Variants in ZDHHC2 observed in about 807,000 individuals in gnomAD.
ZDHHC2 encodes zDHHC palmitoyltransferase 2, also known as palmitoyltransferase ZDHHC2.
Under a neutral mutation model 55.6 loss-of-function variants are expected in ZDHHC2, and 51 were observed. The ratio of observed to expected loss-of-function variants is 0.92; its 90% CI spans 0.73 to 1.16. ZDHHC2 has a LOEUF of 1.16. ZDHHC2 is among the 50% of genes most tolerant of loss of function. The pLI, the probability that ZDHHC2 is intolerant of heterozygous loss-of-function variation, is 0.00. For missense variants in ZDHHC2, 491 were observed against 442.4 expected (o/e 1.11, Z -0.99); for synonymous variants, 199 against 152.9 (o/e 1.30, Z -2.22).
chr8:17,184,391 G>A (rs1016234016), intron 1 of ZDHHC2, among the ~76,000 whole-genome samples: 2 of 152,230 alleles, frequency 1.3e-5, no homozygotes, highest in African/African-American at 4.8e-5. Context: ...AGCTCACCAG[G>A]TGGTTGCCAG....
Position 17,197,592 on chromosome 8 carries a change from C to T in ZDHHC2, c.384C>T (p.Tyr128=), listed in dbSNP as rs1434423617. The T allele has an allele frequency of 3.1e-6, 5 of 1,613,700 alleles. No homozygotes were observed. In the South Asian group the frequency reaches 3.3e-5, roughly 11 times the overall value. The change falls in exon 5 of 13, where the codon TAC becomes TAT. Residue 128 remains tyrosine (Y), a synonymous_variant. Transcript: ENST00000262096. ...GCTTTTTGTCCCTAGCCATCCGATACTGTGACAGATGCCAACTTATAAAAC... is the reference window on the plus strand; with the variant it reads ...GCTTTTTGTCCCTAGCCATCCGATATTGTGACAGATGCCAACTTATAAAAC... ...YTRTMSGAIR[Y]CDRCQLIKPD... is the part of the protein sequence containing the mutation.
chr8:17,197,542 A>G, intron 4 of ZDHHC2, 40 bp from the exon 5 acceptor site: 1 of 1,519,976 alleles, frequency 6.6e-7, no homozygotes, highest in Non-Finnish European at 9.0e-7. Flanking sequence ...TTTTCAATTC[A>G]GTGTTAACTC....
intron 1 of ZDHHC2, among the ~76,000 whole-genome samples, chr8:17,176,693 C>T (rs191706780): frequency 4.6e-5 from 7 of 152,020 alleles, no homozygotes; most frequent in East Asian, 1.9e-4. Context: ...TTGGTTAAGA[C>T]ACAAGAAAGC....
chr8:17,210,414 C>A lies in ZDHHC2; in HGVS notation c.884C>A (p.Thr295Asn), dbSNP rs767745183. Reference protein sequence around the residue: ...SSLGDGCSFPTCLVNQDPEQA... With the variant: ...SSLGDGCSFPNCLVNQDPEQA... Reference sequence around the variant, plus strand: ...CTAGGTGATGGCTGCTCCTTTCCAACTTGCCTTGTTAACCAGGATCCTGAA... The same window carrying A: ...CTAGGTGATGGCTGCTCCTTTCCAAATTGCCTTGTTAACCAGGATCCTGAA... Residue 295 changes from threonine to asparagine, a missense_variant, in exon 10 of 13, where the codon ACT (threonine) becomes AAT (asparagine). By Grantham distance (65) the Thr-to-Asn change is moderately conservative. Transcript: ENST00000262096. 1.9e-6 allele frequency: 3 copies of A among 1,613,280 alleles called. No homozygotes were observed. In the African/African-American group the frequency reaches 4.0e-5, roughly 22 times the overall value.
rs143011249 is a variant in ZDHHC2 at position 17,166,441 on chromosome 8, G to T, written c.130+9588G>T. Among the ~76,000 whole-genome samples the T allele has an allele frequency of 5.4e-3, 820 of 152,262 alleles. 5 individuals carry two copies. The highest frequency in any genetic ancestry group is 0.019 in the African/African-American group (779 of 41,546). On this transcript the variant is annotated intron_variant, in intron 1 of 12. Coordinates refer to ENST00000262096, the MANE Select transcript of ZDHHC2 (RefSeq NM_016353.5). The stretch of plus-strand genomic sequence containing the variant: ...GGAGGGTTGCATTAGATCTGGAATG[G>T]GTGTGCTGTCATGAAATAGAGATGC...
chr8:17,219,328 T>C (rs904900256), intron 12 of ZDHHC2, among the ~76,000 whole-genome samples: 8 of 144,960 alleles, frequency 5.5e-5, no homozygotes, highest in Non-Finnish European at 9.0e-5. Flanking sequence ...ACTACAATAG[T>C]AAATGATGTC....
chr8:17,205,688 GTTCT>G lies in ZDHHC2; in HGVS notation c.515_518del (p.Phe172SerfsTer63). ...ATTGTGTTGGATTTTCAAATTATAAGTTCTTTCTCCTTTTCTTGGCTTATTCTCT... is the reference window on the plus strand; with the variant it reads ...ATTGTGTTGGATTTTCAAATTATAAGTTCTCCTTTTCTTGGCTTATTCTCT... On this transcript the variant is annotated frameshift_variant, in exon 7 of 13. Coordinates refer to ENST00000262096, the MANE Select transcript of ZDHHC2 (RefSeq NM_016353.5). LOFTEE classifies it high-confidence loss of function. 1 of 1,607,194 alleles carries G rather than the reference GTTCT, an allele frequency of 6.2e-7. No homozygotes were observed. Among genetic ancestry groups the G allele is most frequent in the Non-Finnish European group, 8.5e-7 (1 of 1,177,906 alleles).
At chr8:17,216,536 C>T (rs755160248) in intron 11 of ZDHHC2, among the ~76,000 whole-genome samples, 4 of 152,108 alleles carry the variant, frequency 2.6e-5, no homozygotes, top group Non-Finnish European at 4.4e-5. Flanking sequence ...TTCTTTGAAT[C>T]CATCATTTTC....
In ZDHHC2 at chr8:17,210,012, G is replaced by A. The variant is rs753951331; in HGVS notation, c.811G>A (p.Val271Ile). The change falls in exon 9 of 13, where the codon GTT (valine) becomes ATT (isoleucine). Residue 271 changes from valine to isoleucine, a missense_variant. By Grantham distance (29) the Val-to-Ile change is conservative (BLOSUM62 3). Coordinates refer to ENST00000262096, the MANE Select transcript of ZDHHC2 (RefSeq NM_016353.5). ...SLGFSKNMRQVFGDEKKYWLL... is the reference protein window; with the variant it reads ...SLGFSKNMRQIFGDEKKYWLL... ...GGGTTTCAGTAAAAACATGCGACAA[G>A]TTTTTGGTGATGAGAAGAAGTACTG... is the stretch of plus-strand genomic sequence containing the variant. The A allele has an allele frequency of 1.9e-6, 3 of 1,609,324 alleles. No individual in the cohort carries two copies. Among genetic ancestry groups the A allele is most frequent in the Non-Finnish European group, 2.5e-6 (3 of 1,177,542 alleles).
At chr8:17,186,125 A>G (rs1805695685) in intron 2 of ZDHHC2, among the ~76,000 whole-genome samples, 1 of 152,162 alleles carries the variant, frequency 6.6e-6, no homozygotes, top group African/African-American at 2.4e-5. Flanking sequence ...AGATCTCATT[A>G]TGCATTTAGG....
chr8:17,156,820 TCCTACTACG>T lies in ZDHHC2; in HGVS notation c.103_111del (p.Tyr35_Tyr37del). ...GTTCATCACCCTCCTGCTCGGCTGGTCCTACTACGCCTACGCCATCCAGCTGTGCATAGG... is the reference window on the plus strand; with the variant it reads ...GTTCATCACCCTCCTGCTCGGCTGGTCCTACGCCATCCAGCTGTGCATAGG... On this transcript the variant is annotated inframe_deletion, in exon 1 of 13. Transcript: ENST00000262096. 2 of 1,520,414 alleles carry T rather than the reference TCCTACTACG, an allele frequency of 1.3e-6. No homozygotes were observed. Among genetic ancestry groups the T allele is most frequent in the Non-Finnish European group, 1.8e-6 (2 of 1,132,682 alleles). 94.2% of individuals were successfully genotyped at this position (1,520,414 alleles called of 1,614,324 possible).
intron 6 of ZDHHC2, among the ~76,000 whole-genome samples, chr8:17,205,249 G>C (rs911029158): frequency 6.6e-6 from 1 of 152,070 alleles, no homozygotes; most frequent in Non-Finnish European, 1.5e-5. Context: ...ATCTAATTTG[G>C]GAATACTTGA....
intron 1 of ZDHHC2, chr8:17,162,753 A>T (rs1262038609): frequency 6.6e-6 from 1 of 152,216 alleles, no homozygotes; most frequent in African/African-American, 2.4e-5. Flanking sequence ...ACCTTTCCGG[A>T]TGCCATTTCC....
At chr8:17,199,150 G>A (rs1386066379) in intron 6 of ZDHHC2, among the ~76,000 whole-genome samples, 4 of 152,170 alleles carry the variant, frequency 2.6e-5, no homozygotes, top group Non-Finnish European at 5.9e-5. Flanking sequence ...CAGGTCCACA[G>A]TAGGTATAGG....
chr8:17,182,886 A>C (rs7822895), intron 1 of ZDHHC2, among the ~76,000 whole-genome samples: 24,531 of 151,904 alleles, frequency 0.16, 2,627 homozygotes, highest in East Asian at 0.35. Context: ...CTCAGCCTCC[A>C]AGTAGCTGGG....
chr8:17,166,538 T>C (rs1464394663), intron 1 of ZDHHC2, among the ~76,000 whole-genome samples: 1 of 151,798 alleles, frequency 6.6e-6, no homozygotes, highest in Non-Finnish European at 1.5e-5. Context: ...AATTCGGGAG[T>C]CTTCAGCATA....
chr8:17,193,851 G>A (rs1806169626), intron 3 of ZDHHC2, among the ~76,000 whole-genome samples: 1 of 152,074 alleles, frequency 6.6e-6, no homozygotes, highest in African/African-American at 2.4e-5. Context: ...CACGTGCCAT[G>A]GTGATTTGCT....
At position 17,222,074 on chromosome 8, in the gene ZDHHC2, TA is replaced by T. The variant is rs950248967; in HGVS notation, c.*1854del. The T allele has an allele frequency of 4.0e-5, 6 of 149,604 alleles. No homozygotes were observed. The highest frequency in any genetic ancestry group is 1.5e-4 in the African/African-American group (6 of 40,846). 9.3% of individuals were successfully genotyped at this position (149,604 alleles called of 1,614,324 possible). ...TATTCCCTCTTGTCAAACTGGAAGC[TA>T]GGGGAAAAAGAGGGATTTTTATCCT... On this transcript the variant is annotated 3_prime_UTR_variant, in exon 13 of 13. Coordinates refer to ENST00000262096, the MANE Select transcript of ZDHHC2 (RefSeq NM_016353.5).
intron 1 of ZDHHC2, among the ~76,000 whole-genome samples, chr8:17,166,185 A>C (rs1046544567): frequency 2.6e-5 from 4 of 152,172 alleles, no homozygotes; most frequent in Non-Finnish European, 5.9e-5. Flanking sequence ...GACCTAGGCT[A>C]CTGCATCAAT....
Sources: gnomAD v4.1 joint callset for allele counts (sites outside exome capture counted in the v4.1 genomes callset) on GRCh38, gnomAD v4.1.1 for gene constraint, MANE v1.5 for transcripts, NCBI Gene and HGNC (gene_info 2026-07-23, HGNC 2026-07-21) for gene names.